BCL2L13: variants seen among roughly 807,000 people sequenced by gnomAD.
BCL2L13 encodes the protein BCL2 like 13, also known as bcl-2-like protein 13.
In BCL2L13, 13 loss-of-function variants were observed where a neutral mutation model predicts 25.8. That is an observed-to-expected ratio of 0.50 (90% CI 0.33 to 0.80). The LOEUF is 0.80. Among genes scored for constraint, BCL2L13 ranks in the 30% least tolerant of loss-of-function variants. BCL2L13 has a pLI of 0.02. For synonymous variants in BCL2L13, 244 were observed against 230.3 expected, an observed-to-expected ratio of 1.06 and a Z score of -0.54; for missense variants, 504 against 574.9, an observed-to-expected ratio of 0.88 and a Z score of 1.26.
intron 6 of BCL2L13, among the ~76,000 whole-genome samples, chr22:17,721,211 G>A (rs1007128733): frequency 2.6e-5 from 4 of 151,950 alleles, no homozygotes; most frequent in East Asian, 1.9e-4. Context: ...GCCCCACGCC[G>A]CATTTCAGAT....
At chr22:17,700,748 A>G (rs559920376) in intron 5 of BCL2L13, among the ~76,000 whole-genome samples, 1 of 152,274 alleles carries the variant, frequency 6.6e-6, no homozygotes, top group Non-Finnish European at 1.5e-5. Context: ...TTTTCAATAT[A>G]TTTTGGGCTG....
intron 1 of BCL2L13, among the ~76,000 whole-genome samples, chr22:17,640,001 T>C (rs891214302): frequency 2.0e-5 from 3 of 152,112 alleles, no homozygotes; most frequent in African/African-American, 7.2e-5. Flanking sequence ...ATTACAGGCA[T>C]GCGCCACCAC....
rs2058159667 is a variant in BCL2L13, at chr22:17,638,810, C to G, written c.-127C>G. ...TAGGGCCGCGGGTCGGAGCACTCACCGCCGCTGGGGGACCCTGTCGGAAGC... is the reference window on the plus strand; with the variant it reads ...TAGGGCCGCGGGTCGGAGCACTCACGGCCGCTGGGGGACCCTGTCGGAAGC... On this transcript the variant is annotated 5_prime_UTR_variant, in exon 1 of 7. Transcript: ENST00000317582. The G allele has an allele frequency of 8.1e-7, 1 of 1,231,846 alleles. No homozygotes were observed. Among genetic ancestry groups the G allele is most frequent in the Admixed American group, 4.2e-5 (1 of 23,698 alleles). The allele number at this position is 1,231,846 out of a possible 1,614,324, so 76.3% of individuals were successfully genotyped here. A position where few individuals can be genotyped will look rare whatever the true frequency, so the allele number is the denominator to read the frequency against.
At chr22:17,678,124 G>A (rs2059628045) in intron 2 of BCL2L13, among the ~76,000 whole-genome samples, 1 of 152,164 alleles carries the variant, frequency 6.6e-6, no homozygotes, top group Non-Finnish European at 1.5e-5. Context: ...CCAGGCTCAA[G>A]TGATCTTCAC....
At chr22:17,646,953 ATATTTTTTTTTTTTTTT>A (rs1361756707) in intron 1 of BCL2L13, among the ~76,000 whole-genome samples, 3 of 21,634 alleles carry the variant, frequency 1.4e-4, no homozygotes, top group Non-Finnish European at 2.6e-4. Context: ...ATATATATAT[ATATTTTTTTTTTTTTTT>A]TTTTTTTTTC....
intron 5 of BCL2L13, among the ~76,000 whole-genome samples, chr22:17,700,460 G>A (rs558166058): frequency 2.0e-5 from 3 of 152,144 alleles, no homozygotes; most frequent in Non-Finnish European, 4.4e-5. Context: ...TCCCCAAGAG[G>A]TAATAGAGCT....
intron 1 of BCL2L13, among the ~76,000 whole-genome samples, chr22:17,644,890 AC>A (rs1312590515): frequency 6.7e-6 from 1 of 150,082 alleles, no homozygotes; most frequent in African/African-American, 2.5e-5. Context: ...GCTCACTGCA[AC>A]CTCTGACTCC....
At chr22:17,681,768 G>C (rs1304113994) in intron 2 of BCL2L13, among the ~76,000 whole-genome samples, 1 of 152,166 alleles carries the variant, frequency 6.6e-6, no homozygotes, top group African/African-American at 2.4e-5. Flanking sequence ...AATGGCGAGA[G>C]GCGACATTGT....
chr22:17,726,281 G>T (rs953806347), intron 6 of BCL2L13, among the ~76,000 whole-genome samples: 109 of 151,442 alleles, frequency 7.2e-4, no homozygotes, highest in African/African-American at 2.4e-3. Context: ...AACCTGGGAC[G>T]CGGAGGTTGC....
Position 17,726,939 on chromosome 22 carries a change from G to A in BCL2L13, c.863G>A (p.Ser288Asn). 6.2e-7 allele frequency: 1 copy of A among 1,614,204 alleles called. No homozygotes were observed. The highest frequency in any genetic ancestry group is 1.6e-4 in the Middle Eastern group (1 of 6,062). The change falls in exon 7 of 7, where the codon AGC becomes AAC. Residue 288 changes from serine (S) to asparagine (N), a missense_variant. Physicochemically the swap from Ser to Asn is conservative, Grantham distance 46 (BLOSUM62 1). Transcript: ENST00000317582. ...QIAMDPEEVK[S>N]LDSNGAGEKS... Reference sequence around the variant, plus strand: ...GCAATGGATCCTGAAGAAGTGAAAAGCTTAGACAGCAACGGAGCTGGAGAG... The same window carrying A: ...GCAATGGATCCTGAAGAAGTGAAAAACTTAGACAGCAACGGAGCTGGAGAG...
At chr22:17,703,270 G>A (rs1295256034) in intron 6 of BCL2L13, 1 of 152,152 alleles carries the variant, frequency 6.6e-6, no homozygotes, top group Non-Finnish European at 1.5e-5. Flanking sequence ...GCAGAAGTCT[G>A]TACGTGTCCA....
intron 2 of BCL2L13, among the ~76,000 whole-genome samples, chr22:17,680,452 TGAGCCGA>T (rs1387563877): frequency 1.5e-5 from 2 of 130,052 alleles, no homozygotes; most frequent in Non-Finnish European, 3.1e-5. Context: ...GAGCTTGCAG[TGAGCCGA>T]GATCAAGCCA....
At chr22:17,647,867 G>T (rs982693009) in intron 1 of BCL2L13, among the ~76,000 whole-genome samples, 1 of 152,126 alleles carries the variant, frequency 6.6e-6, no homozygotes, top group South Asian at 2.1e-4. Flanking sequence ...AGTGGCTCAC[G>T]CCTGTAATCC....
At chr22:17,717,201 C>G (rs1210315351) in intron 6 of BCL2L13, among the ~76,000 whole-genome samples, 5 of 152,050 alleles carry the variant, frequency 3.3e-5, no homozygotes, top group Non-Finnish European at 7.4e-5. Context: ...GGCACAGTGG[C>G]TCACACCTAT....
chr22:17,692,209 G>A (rs1033431357), intron 4 of BCL2L13: 1 of 152,098 alleles, frequency 6.6e-6, no homozygotes, highest in Non-Finnish European at 1.5e-5. Flanking sequence ...TTTCTTCTTT[G>A]CTCTATTCTA....
intron 4 of BCL2L13, among the ~76,000 whole-genome samples, chr22:17,690,995 G>A (rs185739126): frequency 5.3e-4 from 81 of 151,854 alleles, no homozygotes; most frequent in Non-Finnish European, 5.7e-4. Flanking sequence ...GCTCATTAGG[G>A]CCTCTCCACT....
At chr22:17,660,771 TTTA>T (rs2059038275) in intron 2 of BCL2L13, among the ~76,000 whole-genome samples, 2 of 146,148 alleles carry the variant, frequency 1.4e-5, no homozygotes, top group South Asian at 2.1e-4. Flanking sequence ...TGTAATGTTT[TTTA>T]TTATTCCATT....
intron 2 of BCL2L13, among the ~76,000 whole-genome samples, chr22:17,679,494 T>G (rs1481796225): frequency 6.6e-6 from 1 of 151,906 alleles, no homozygotes; most frequent in East Asian, 1.9e-4. Context: ...GGTCTTGAAC[T>G]CCTGACCTCA....
chr22:17,669,026 C>G (rs368180943), intron 2 of BCL2L13, among the ~76,000 whole-genome samples: 3 of 92,112 alleles, frequency 3.3e-5, no homozygotes, highest in Non-Finnish European at 6.6e-5. Flanking sequence ...GCTCCTGTTT[C>G]TTTCTTTTTT....
Sources: allele counts gnomAD v4.1 joint callset (sites outside exome capture counted in the v4.1 genomes callset), GRCh38; gene constraint gnomAD v4.1.1; transcripts MANE v1.5; gene names NCBI Gene and HGNC (gene_info 2026-07-23, HGNC 2026-07-21).